The following DNAAF1 variants were observed in gnomAD, a reference collection of about 807,000 sequenced individuals.
DNAAF1 encodes dynein axonemal assembly factor 1, also known as dynein assembly factor 1, axonemal.
Under a neutral mutation model 71.1 loss-of-function variants are expected in DNAAF1, and 65 were observed. The ratio of observed to expected loss-of-function variants is 0.91; its 90% CI spans 0.75 to 1.12. The LOEUF (loss-of-function observed/expected upper bound fraction) is 1.12. Ranked by LOEUF, DNAAF1 falls within the 50% of genes most tolerant of loss-of-function variation. The pLI, the probability that DNAAF1 is intolerant of heterozygous loss-of-function variation, is 0.00. For synonymous variants in DNAAF1, 414 were observed against 354.6 expected, an observed-to-expected ratio of 1.17 and a Z score of -1.88; for missense variants, 1,178 against 899.8, an observed-to-expected ratio of 1.31 and a Z score of -3.96.
At chr16:84,160,513 C>T (rs913360057) in intron 6 of DNAAF1, among the ~76,000 whole-genome samples, 4 of 152,082 alleles carry the variant, frequency 2.6e-5, no homozygotes, top group African/African-American at 7.2e-5. Flanking sequence ...GGCTACTTGA[C>T]GAGATGTATA....
At chr16:84,171,161 C>T (rs1457641289) in intron 8 of DNAAF1, among the ~76,000 whole-genome samples, 2 of 151,960 alleles carry the variant, frequency 1.3e-5, no homozygotes, top group African/African-American at 2.4e-5. Context: ...GCAGGCCTTG[C>T]GAGGTGGCTC....
At position 84,147,760 on chromosome 16, in the gene DNAAF1, C is replaced by CCA. The variant is rs1555519731; in HGVS notation, c.125-1247_125-1246insCA. 7.9e-3 allele frequency among the ~76,000 whole-genome samples: 1,185 copies of CCA among 149,546 alleles called. 14 individuals carry two copies. Among genetic ancestry groups the CCA allele is most frequent in the African/African-American group, 0.028 (1,120 of 40,470 alleles). ...TTTAATTAAAGAAATAAGCCCCCCC[C>CCA]AAAAAAAAAATAAAAATAAATAAGG... On this transcript the variant is annotated intron_variant, in intron 1 of 11. Transcript: ENST00000378553.
chr16:84,172,696 T>C (rs2088428164), intron 9 of DNAAF1: 1 of 1,212,658 alleles, frequency 8.2e-7, no homozygotes, highest in African/African-American at 1.6e-5. Context: ...GCTATCTTGC[T>C]AAGTGGTTCT....
intron 8 of DNAAF1, 46 bp downstream of exon 8, chr16:84,170,402 G>C: frequency 1.2e-6 from 2 of 1,612,250 alleles, no homozygotes; most frequent in Non-Finnish European, 1.7e-6. Context: ...ACCTCTCAGG[G>C]AGCCCCAGCC....
chr16:84,172,072 T>C (rs9926314), intron 8 of DNAAF1, among the ~76,000 whole-genome samples, 188 bp from the exon 9 acceptor site: 1 of 151,640 alleles, frequency 6.6e-6, no homozygotes, highest in Non-Finnish European at 1.5e-5. Context: ...GACACGGGGG[T>C]TTCACTGTGT....
At chr16:84,166,199 C>T (rs865919701) in intron 7 of DNAAF1, among the ~76,000 whole-genome samples, 6 of 151,686 alleles carry the variant, frequency 4.0e-5, no homozygotes, top group African/African-American at 1.2e-4. Context: ...ATTATGGGCA[C>T]GTACCACCAT....
At chr16:84,172,191 T>C in intron 8 of DNAAF1, 69 bp from the exon 9 acceptor site, 1 of 1,480,228 alleles carries the variant, frequency 6.8e-7, no homozygotes, top group Non-Finnish European at 9.3e-7. Context: ...GGAGCCCATC[T>C]TCACCGTAGG....
chr16:84,160,994 T>A (rs1467047653), intron 6 of DNAAF1, among the ~76,000 whole-genome samples: 1 of 150,704 alleles, frequency 6.6e-6, no homozygotes, highest in Non-Finnish European at 1.5e-5. Flanking sequence ...CAACAGAAAT[T>A]GACGCAGCTC....
In DNAAF1 at chr16:84,156,851, C is replaced by CTTTTTTTTTTTTT. The variant is rs778916785; in HGVS notation, c.741+1109_741+1121dup. The stretch of plus-strand genomic sequence containing the variant: ...TTCCTTTCCTTTTCTTTCTTTCTTT[C>CTTTTTTTTTTTTT]TTTTTTTTTTTTTTTTTTTGAGACA... On this transcript the variant is annotated intron_variant, in intron 5 of 11. Transcript: ENST00000378553. 3.0e-4 allele frequency among the ~76,000 whole-genome samples: 33 copies of CTTTTTTTTTTTTT among 111,806 alleles called. 1 individual carries two copies. The highest frequency in any genetic ancestry group is 4.3e-4 in the African/African-American group (12 of 27,716). The allele number at this position is 111,806 out of a possible 152,430, so 73.3% of individuals were successfully genotyped here.
intron 4 of DNAAF1, among the ~76,000 whole-genome samples, chr16:84,155,002 G>A (rs1302056172): frequency 1.3e-5 from 2 of 151,252 alleles, no homozygotes; most frequent in East Asian, 2.0e-4. Flanking sequence ...TCTGCCTCCC[G>A]GGTTCATGCC....
chr16:84,150,414 G>T (rs796649052), intron 3 of DNAAF1, 72 bp downstream of exon 3: 2 of 1,183,552 alleles, frequency 1.7e-6, no homozygotes, highest in African/African-American at 3.0e-5. Flanking sequence ...AAAATTACTT[G>T]CAGGGATCAC....
In DNAAF1 at chr16:84,159,694, G is replaced by A; in HGVS notation, c.761G>A (p.Gly254Glu). The A allele has an allele frequency of 6.2e-7, 1 of 1,613,430 alleles. No homozygotes were observed. Among genetic ancestry groups the A allele is most frequent in the Non-Finnish European group, 8.5e-7 (1 of 1,179,586 alleles). ...TTGCAGCGTGTACTGAATTTGATGG[G>A]AAACCCGGTTATCAGACAGATTCCT... ...MPDLRVLNLM[G>E]NPVIRQIPNY... is the part of the protein sequence containing the mutation. Residue 254 changes from glycine (G) to glutamate (E), a missense_variant, in exon 6 of 12, where the codon GGA (glycine) becomes GAA (glutamate). Transcript: ENST00000378553.
At chr16:84,149,616 G>A (rs987970965) in intron 2 of DNAAF1, among the ~76,000 whole-genome samples, 29 of 150,338 alleles carry the variant, frequency 1.9e-4, no homozygotes, top group South Asian at 6.4e-4. Context: ...GCTTGAACCC[G>A]GGAGGCGAAG....
chr16:84,175,898 CAG>C (rs766849653), intron 10 of DNAAF1, 33 bp from the exon 11 acceptor site: 17 of 1,611,860 alleles, frequency 1.1e-5, no homozygotes, highest in Admixed American at 1.7e-5. Context: ...GTTGTGAAAA[CAG>C]AAACTTTCAG....
chr16:84,152,647 CAAA>C (rs574069319), intron 3 of DNAAF1, among the ~76,000 whole-genome samples: 12 of 68,160 alleles, frequency 1.8e-4, no homozygotes, highest in Admixed American at 5.2e-4. Flanking sequence ...GATTCTGTCT[CAAA>C]AAAAAAAAAA....
chr16:84,161,991 C>T (rs891259403), intron 6 of DNAAF1, among the ~76,000 whole-genome samples: 2 of 152,174 alleles, frequency 1.3e-5, no homozygotes, highest in African/African-American at 4.8e-5. Flanking sequence ...ATGTAGCAGG[C>T]AACAGATAGG....
Position 84,169,923 on chromosome 16 carries a change from T to C in DNAAF1, c.1095T>C (p.Pro365=), listed in dbSNP as rs1217119503. The change falls in exon 8 of 12, where the codon CCT becomes CCC. Residue 365 remains proline, a synonymous_variant. Transcript: ENST00000378553. ...CCAGTGCGGAAGGCAAGGAGGAGCC[T>C]CCCGGGGACAGAGAAACAAGGCAGA... The part of the protein sequence containing the change: ...VPASAEGKEE[P]PGDRETRQKM... 17 of 1,614,002 alleles carry C rather than the reference T, an allele frequency of 1.1e-5. No homozygotes were observed. Among genetic ancestry groups the C allele is most frequent in the Non-Finnish European group, 1.4e-5 (17 of 1,180,034 alleles).
At chr16:84,172,835 C>T (rs2088439137) in intron 9 of DNAAF1, 3 of 1,043,858 alleles carry the variant, frequency 2.9e-6, no homozygotes, top group Non-Finnish European at 3.5e-6. Context: ...CTCTCACTGG[C>T]CTTCTGGCTC....
In DNAAF1 at chr16:84,175,187, A is replaced by C. The variant is rs112406879; in HGVS notation, c.1698+465A>C. The C allele has an allele frequency of 9.5e-4, 214 of 226,316 alleles. 2 individuals carry two copies. Among genetic ancestry groups the C allele is most frequent in the Admixed American group, 2.1e-3 (40 of 19,256 alleles). The allele number at this position is 226,316 out of a possible 1,614,324, so 14.0% of individuals were successfully genotyped here. On this transcript the variant is annotated intron_variant, in intron 10 of 11. Coordinates refer to ENST00000378553, the MANE Select transcript of DNAAF1 (RefSeq NM_178452.6). ...CCCCATATTTTCACCTTGCTGAAGG[A>C]AATGCCATTTGTTCTTGTTCAATTT... is the stretch of plus-strand genomic sequence containing the variant.
Sources: allele counts gnomAD v4.1 joint callset (sites outside exome capture counted in the v4.1 genomes callset), GRCh38; gene constraint gnomAD v4.1.1; transcripts MANE v1.5; gene names NCBI Gene and HGNC (gene_info 2026-07-23, HGNC 2026-07-21).